Variants in ZFHX3 observed in about 807,000 individuals in gnomAD.
The protein encoded by ZFHX3 is zinc finger homeobox 3.
In ZFHX3, 42 loss-of-function variants were observed where a neutral mutation model predicts 279.1. The ratio of observed to expected loss-of-function variants is 0.15; its 90% CI spans 0.12 to 0.19. ZFHX3 has a LOEUF of 0.19. Ranked by LOEUF, ZFHX3 falls within the 10% of genes least tolerant of loss-of-function variation. The pLI is 1.00. For missense variants in ZFHX3, 4,981 were observed against 4,754.0 expected (o/e 1.05, Z -1.40); for synonymous variants, 2,293 against 1,957.8 (o/e 1.17, Z -4.52).
At chr16:73,682,935 AAAG>A (rs2053035110) in intron 1 of ZFHX3, among the ~76,000 whole-genome samples, 1 of 16,276 alleles carries the variant, frequency 6.1e-5, no homozygotes, top group Admixed American at 9.1e-4. Context: ...AGAAAGAAAG[AAAG>A]AAAGAAAGAA....
At chr16:73,396,953 G>A (rs575218409) in intron 3 of ZFHX3, among the ~76,000 whole-genome samples, 123 of 152,286 alleles carry the variant, frequency 8.1e-4, no homozygotes, top group Non-Finnish European at 1.3e-3. Flanking sequence ...CTACTTCTCC[G>A]CCCAGACCTT....
chr16:73,341,119 G>T (rs2016025088), intron 3 of ZFHX3, among the ~76,000 whole-genome samples: 1 of 152,076 alleles, frequency 6.6e-6, no homozygotes, highest in Non-Finnish European at 1.5e-5. Flanking sequence ...GAGGTGGGTG[G>T]ATCATGAGGT....
At chr16:72,881,351 A>G (rs2038465070) in intron 4 of ZFHX3, among the ~76,000 whole-genome samples, 2 of 152,054 alleles carry the variant, frequency 1.3e-5, no homozygotes, top group South Asian at 4.2e-4. Context: ...ACTTAGACTG[A>G]GGCCACAAAA....
chr16:73,287,760 CTGTGTGGG>C lies in ZFHX3; in HGVS notation c.-1194+30472_-1194+30479del, dbSNP rs1298250844. 4.7e-3 allele frequency among the ~76,000 whole-genome samples: 507 copies of C among 106,984 alleles called. 2 individuals are homozygous for C. Among genetic ancestry groups the C allele is most frequent in the African/African-American group, 0.017 (470 of 27,108 alleles). The allele number at this position is 106,984 out of a possible 152,430, so 70.2% of individuals were successfully genotyped here. On this transcript the variant is annotated intron_variant, in intron 4 of 17. Transcript: ENST00000641206. ...TGTGGCTGTGTGGGTTGGTGAGTGG[CTGTGTGGG>C]TGTGTGGGTAAGTGTGTGGGTGTGT...
At chr16:73,173,423 GGAGTCGATTTTGC>G (rs1322519842) in intron 5 of ZFHX3, among the ~76,000 whole-genome samples, 27 of 127,708 alleles carry the variant, frequency 2.1e-4, no homozygotes, top group African/African-American at 7.8e-4. Context: ...CAAGATATCT[GGAGTCGATTTTGC>G]GAGTCCGAAG....
At chr16:73,461,743 G>A (rs1429931165) in intron 2 of ZFHX3, among the ~76,000 whole-genome samples, 1 of 152,176 alleles carries the variant, frequency 6.6e-6, no homozygotes, top group Non-Finnish European at 1.5e-5. Context: ...CATTATCCGT[G>A]TAACAATACC....
chr16:73,410,988 G>T (rs888071778), intron 3 of ZFHX3, among the ~76,000 whole-genome samples: 3 of 152,138 alleles, frequency 2.0e-5, no homozygotes, highest in Non-Finnish European at 4.4e-5. Context: ...TCATCCCACC[G>T]ACATAGCACA....
intron 4 of ZFHX3, chr16:73,294,444 G>A (rs551956126): frequency 6.6e-6 from 1 of 152,238 alleles, no homozygotes; most frequent in African/African-American, 2.4e-5. Context: ...ACTATAAAGT[G>A]GGGGGCTGGA....
chr16:73,850,365 T>C (rs1396918870), intron 1 of ZFHX3, among the ~76,000 whole-genome samples: 1 of 152,162 alleles, frequency 6.6e-6, no homozygotes, highest in African/African-American at 2.4e-5. Flanking sequence ...AATACAATGG[T>C]CATTATTTTT....
intron 2 of ZFHX3, among the ~76,000 whole-genome samples, chr16:73,617,393 G>A (rs2143895827): frequency 6.6e-6 from 1 of 152,244 alleles, no homozygotes; most frequent in South Asian, 2.1e-4. Context: ...TATACACTGG[G>A]GATCGTGCAG....
At chr16:73,191,580 C>G (rs1452663302) in intron 5 of ZFHX3, among the ~76,000 whole-genome samples, 1 of 152,156 alleles carries the variant, frequency 6.6e-6, no homozygotes, top group Non-Finnish European at 1.5e-5. Context: ...AAAACCAAAC[C>G]AAACCCCTCC....
Position 72,958,729 on chromosome 16 carries a change from C to G in ZFHX3, c.1417G>C (p.Glu473Gln). 1 of 1,612,766 alleles carries G rather than the reference C, an allele frequency of 6.2e-7. No individual in the cohort carries two copies. The highest frequency in any genetic ancestry group is 1.1e-5 in the South Asian group (1 of 91,042). The change falls in exon 2 of 10, where the codon GAG becomes CAG. Residue 473 changes from glutamate to glutamine, a missense_variant. By Grantham distance (29) the Glu-to-Gln change is conservative (BLOSUM62 2). Coordinates refer to ENST00000268489, the MANE Select transcript of ZFHX3 (RefSeq NM_006885.4). ...TCCTCCTCTTCTTCCTCCTCCTCCTCCGCCTCTTCCTCCTCCTCTTCCTCC... is the reference window on the plus strand; with the variant it reads ...TCCTCCTCTTCTTCCTCCTCCTCCTGCGCCTCTTCCTCCTCCTCTTCCTCC... ...AEEEEEEEEAEEEEEEEEEEE... is the reference protein window; with the variant it reads ...AEEEEEEEEAQEEEEEEEEEE...
At chr16:73,822,156 C>T (rs1960762482) in intron 1 of ZFHX3, among the ~76,000 whole-genome samples, 1 of 152,158 alleles carries the variant, frequency 6.6e-6, no homozygotes, top group African/African-American at 2.4e-5. Flanking sequence ...AATGCCAGCC[C>T]AGGTGAGATT....
chr16:73,172,988 GTTTTTTTGTTTTTTTTTTTGTTTTT>G (rs1208556205), intron 5 of ZFHX3, among the ~76,000 whole-genome samples: 3 of 46,170 alleles, frequency 6.5e-5, no homozygotes, highest in East Asian at 8.7e-4. Context: ...TGATGGGACT[GTTTTTTTGTTTTTTTTTTTGTTTTT>G]TTTTTTTTTT....
intron 2 of ZFHX3, among the ~76,000 whole-genome samples, chr16:73,614,725 A>G (rs2052281621): frequency 1.3e-5 from 2 of 152,076 alleles, no homozygotes; most frequent in Admixed American, 6.6e-5. Context: ...CTATGTTTTC[A>G]TGATAAAAAC....
At position 72,957,674 on chromosome 16, in the gene ZFHX3, G is replaced by T. The variant is rs1473009368; in HGVS notation, c.2472C>A (p.Thr824=). 1 of 1,614,064 alleles carries T rather than the reference G, an allele frequency of 6.2e-7. No homozygotes were observed. Residue 824 remains threonine, a synonymous_variant, in exon 2 of 10, where the codon ACC becomes ACA. Transcript: ENST00000268489. ...TCATGTTATGCATGTGCTTCTCACT[G>T]GTCATGTGAATGCGGAGGTTCCTGG... ...NVARNLRIHM[T]SEKHMHNMML...
chr16:73,496,727 A>G (rs560812762), intron 2 of ZFHX3, among the ~76,000 whole-genome samples: 7 of 152,152 alleles, frequency 4.6e-5, no homozygotes, highest in African/African-American at 7.2e-5. Context: ...AGTGCAAACT[A>G]TATTTCCCAA....
chr16:73,012,605 G>A (rs1963954549), intron 1 of ZFHX3, among the ~76,000 whole-genome samples: 1 of 152,130 alleles, frequency 6.6e-6, no homozygotes, highest in African/African-American at 2.4e-5. Context: ...TTGGAATTTG[G>A]GTGAAACTAC....
At chr16:73,576,692 C>G (rs938220643) in intron 2 of ZFHX3, among the ~76,000 whole-genome samples, 1 of 125,726 alleles carries the variant, frequency 8.0e-6, no homozygotes, top group Non-Finnish European at 1.6e-5. Context: ...AACTAAAGAA[C>G]ATTAAAAAAA....
Sources: allele counts gnomAD v4.1 joint callset (sites outside exome capture counted in the v4.1 genomes callset), GRCh38; gene constraint gnomAD v4.1.1; transcripts MANE v1.5; gene names NCBI Gene and HGNC (gene_info 2026-07-23, HGNC 2026-07-21).